The following SIPA1L2 variants were observed in gnomAD, a reference collection of about 807,000 sequenced individuals.
SIPA1L2 encodes the protein signal-induced proliferation-associated 1-like protein 2.
In SIPA1L2, 56 loss-of-function variants were observed where a neutral mutation model predicts 163.9. That is an observed-to-expected ratio of 0.34 (90% CI 0.28 to 0.43). SIPA1L2 has a LOEUF of 0.43. Among genes scored for constraint, SIPA1L2 ranks in the 20% least tolerant of loss-of-function variants. The pLI is 1.00. For missense variants in SIPA1L2, 1,974 were observed against 2,193.5 expected, an observed-to-expected ratio of 0.90 and a Z score of 2.00; for synonymous variants, 877 against 865.7, an observed-to-expected ratio of 1.01 and a Z score of -0.23.
chr1:232,407,814 C>T lies in SIPA1L2; in HGVS notation c.4763-3636G>A, dbSNP rs185214194. 6.8e-3 allele frequency among the ~76,000 whole-genome samples: 1,030 copies of T among 152,246 alleles called. 14 individuals are homozygous for T. The highest frequency in any genetic ancestry group is 7.0e-3 in the Non-Finnish European group (478 of 68,016). On this transcript the variant is annotated intron_variant, in intron 19 of 22. Transcript: ENST00000674635. ...ACTGAAAACAACATTATCCATTCAA[C>T]AAATGCTAAAAACACACCAACTGCC...
At chr1:232,467,535 G>C (rs1001578121) in intron 8 of SIPA1L2, among the ~76,000 whole-genome samples, 4 of 152,150 alleles carry the variant, frequency 2.6e-5, no homozygotes, top group African/African-American at 9.7e-5. Flanking sequence ...CTTGTGATTA[G>C]TCTAACCACA....
chr1:232,586,177 G>A (rs1248009982), intron 1 of SIPA1L2, among the ~76,000 whole-genome samples: 6 of 152,048 alleles, frequency 3.9e-5, no homozygotes, highest in African/African-American at 7.2e-5. Context: ...TTTGCACAGG[G>A]GATTCTGCCA....
intron 2 of SIPA1L2, among the ~76,000 whole-genome samples, chr1:232,564,980 T>C (rs1032015527): frequency 1.3e-5 from 2 of 152,142 alleles, no homozygotes; most frequent in Non-Finnish European, 2.9e-5. Context: ...GACGGGTTGA[T>C]AGGTGTAGCA....
At chr1:232,526,050 A>C (rs1474466913) in intron 2 of SIPA1L2, among the ~76,000 whole-genome samples, 1 of 152,224 alleles carries the variant, frequency 6.6e-6, no homozygotes, top group Non-Finnish European at 1.5e-5. Flanking sequence ...CAAAACTGCA[A>C]CTGAGGAAAT....
rs762730850 is a variant in SIPA1L2 at position 232,439,255 on chromosome 1, T to C, written c.3884A>G (p.Glu1295Gly). Reference protein sequence around the residue: ...GSRSLIHSRAEQWADAADVSG... With the variant: ...GSRSLIHSRAGQWADAADVSG... ...GACGTCGGCAGCATCAGCCCACTGC[T>C]CGGCCCGGCTGTGGATCAGGGACCT... The change falls in exon 15 of 23, where the codon GAG becomes GGG. Residue 1295 changes from glutamate to glycine, a missense_variant. Physicochemically the swap from Glu to Gly is moderately conservative, Grantham distance 98 (BLOSUM62 -2). Around this residue, in one of 3 missense-constraint regions of SIPA1L2, gnomAD observed 1,079 missense variants for 1,150.7 expected, o/e 0.94. Transcript: ENST00000674635. The C allele has an allele frequency of 4.2e-4, 675 of 1,613,910 alleles. No individual in the cohort carries two copies. Among genetic ancestry groups the C allele is most frequent in the Non-Finnish European group, 5.6e-4 (656 of 1,180,046 alleles).
chr1:232,451,742 C>T (rs1346184350), intron 10 of SIPA1L2, among the ~76,000 whole-genome samples: 1 of 152,050 alleles, frequency 6.6e-6, no homozygotes, highest in African/African-American at 2.4e-5. Context: ...ACTAAAAAAC[C>T]TCAAGATAAG....
At chr1:232,526,120 C>T (rs540016409) in intron 2 of SIPA1L2, among the ~76,000 whole-genome samples, 1 of 152,318 alleles carries the variant, frequency 6.6e-6, no homozygotes, top group South Asian at 2.1e-4. Flanking sequence ...ACTTCCTAAC[C>T]TCTCTGAGAA....
intron 16 of SIPA1L2, among the ~76,000 whole-genome samples, chr1:232,429,547 C>T (rs562189310): frequency 6.6e-6 from 1 of 151,994 alleles, no homozygotes; most frequent in Non-Finnish European, 1.5e-5. Context: ...GGACAGGTTT[C>T]CCTGTACCTC....
intron 2 of SIPA1L2, among the ~76,000 whole-genome samples, chr1:232,542,348 T>C (rs1246182979): frequency 6.6e-6 from 1 of 152,208 alleles, no homozygotes; most frequent in Admixed American, 6.5e-5. Context: ...GGGCATTTCA[T>C]CTATCAGAAA....
At chr1:232,569,382 A>G (rs536381779) in intron 2 of SIPA1L2, among the ~76,000 whole-genome samples, 3 of 152,190 alleles carry the variant, frequency 2.0e-5, no homozygotes, top group Non-Finnish European at 4.4e-5. Context: ...TGACAACCCA[A>G]TCCTGGCAAG....
intron 7 of SIPA1L2, among the ~76,000 whole-genome samples, chr1:232,477,712 A>T (rs1211898464): frequency 6.6e-6 from 1 of 152,190 alleles, no homozygotes; most frequent in Non-Finnish European, 1.5e-5. Flanking sequence ...CAGTGAAATG[A>T]AGTCAGGTAC....
chr1:232,439,164 G>A lies in SIPA1L2; in HGVS notation c.3975C>T (p.Ala1325=), dbSNP rs748669233. The A allele has an allele frequency of 8.1e-6, 13 of 1,613,188 alleles. No individual in the cohort carries two copies. The highest frequency in any genetic ancestry group is 2.7e-5 in the African/African-American group (2 of 74,944). Residue 1325 remains alanine, a synonymous_variant, in exon 15 of 23, where the codon GCC becomes GCT. Transcript: ENST00000674635. ...CCATGCTGCCTTCCGCAGCACTGCC[G>A]GCGGAGATGGTGGACGCGTAGCCAT... ...SVHGYASTIS[A]GSAAEGSMGD... is the part of the protein sequence containing the mutation.
Position 232,531,199 on chromosome 1 carries a change from T to C in SIPA1L2, c.-269-15591A>G, listed in dbSNP as rs894319474. ...ACTTCTCAAGCCTCTAAATGCAGCA[T>C]TTAAGGCCCTACCCAAATTTAGCTG... On this transcript the variant is annotated intron_variant, in intron 2 of 22. Coordinates refer to ENST00000674635, the MANE Select transcript of SIPA1L2 (RefSeq NM_020808.5). Among the ~76,000 whole-genome samples the C allele has an allele frequency of 3.9e-5, 6 of 152,154 alleles. No individual in the cohort carries two copies. The South Asian group carries it at 8.3e-4, about 21-fold the overall frequency.
chr1:232,404,979 G>A (rs1660556831), intron 19 of SIPA1L2, among the ~76,000 whole-genome samples: 1 of 152,186 alleles, frequency 6.6e-6, no homozygotes, highest in Non-Finnish European at 1.5e-5. Context: ...GACTGCACTT[G>A]GATCCGTGTC....
rs1465618455 is a variant in SIPA1L2, at chr1:232,572,678, C to T, written c.-270+1496G>A. Among the ~76,000 whole-genome samples, 59 of 72,172 alleles carry T rather than the reference C, an allele frequency of 8.2e-4. 1 individual carries two copies. Among genetic ancestry groups the T allele is most frequent in the Middle Eastern group, 9.8e-3 (1 of 102 alleles). The allele number at this position is 72,172 out of a possible 152,430, so 47.3% of individuals were successfully genotyped here. A position where few individuals can be genotyped will look rare whatever the true frequency, so the allele number is the denominator to read the frequency against. ...CGTCAAATACATATATATATATATA[C>T]ACACACATATACATACATATATATA... On this transcript the variant is annotated intron_variant, in intron 2 of 22. Coordinates refer to ENST00000674635, the MANE Select transcript of SIPA1L2 (RefSeq NM_020808.5).
At chr1:232,426,735 G>A (rs1384362619) in intron 17 of SIPA1L2, among the ~76,000 whole-genome samples, 2 of 152,112 alleles carry the variant, frequency 1.3e-5, no homozygotes, top group Admixed American at 1.3e-4. Context: ...ATCATAACCA[G>A]ACTTAAATGA....
chr1:232,621,136 T>A (rs924546795), intron 1 of SIPA1L2, among the ~76,000 whole-genome samples: 1 of 152,172 alleles, frequency 6.6e-6, no homozygotes, highest in African/African-American at 2.4e-5. Context: ...CCCACTCACT[T>A]CCCAACAAAG....
intron 3 of SIPA1L2, among the ~76,000 whole-genome samples, chr1:232,497,234 ATT>A (rs1666242001): frequency 6.6e-6 from 1 of 152,194 alleles, no homozygotes; most frequent in Non-Finnish European, 1.5e-5. Flanking sequence ...TTCTACACTG[ATT>A]GTGGCAATGG....
At chr1:232,600,581 A>G (rs1661540179) in intron 1 of SIPA1L2, among the ~76,000 whole-genome samples, 1 of 152,190 alleles carries the variant, frequency 6.6e-6, no homozygotes, top group African/African-American at 2.4e-5. Flanking sequence ...TTTCTGCCCA[A>G]GGGTGTCTGT....
Sources: allele counts gnomAD v4.1 joint callset (sites outside exome capture counted in the v4.1 genomes callset), GRCh38; gene constraint gnomAD v4.1.1; regional missense constraint gnomAD v4.1.1; transcripts MANE v1.5; gene names NCBI Gene and HGNC (gene_info 2026-07-23, HGNC 2026-07-21).